WSCD1: variants seen among roughly 807,000 people sequenced by gnomAD.
The protein encoded by WSCD1 is WSC domain sialate O sulfotransferase 1.
WSCD1 carries 41 observed loss-of-function variants against 60.4 expected under a neutral mutation model. That is an observed-to-expected ratio of 0.68 (90% CI 0.53 to 0.88). The LOEUF (loss-of-function observed/expected upper bound fraction) is 0.88. WSCD1 is among the 40% of genes least tolerant of loss of function. The pLI is 0.00. For synonymous variants in WSCD1, 361 were observed against 332.5 expected, an observed-to-expected ratio of 1.09 and a Z score of -0.93; for missense variants, 784 against 796.2, an observed-to-expected ratio of 0.98 and a Z score of 0.18.
intron 7 of WSCD1, among the ~76,000 whole-genome samples, chr17:6,117,333 C>G (rs1169910305): frequency 6.6e-6 from 1 of 152,196 alleles, no homozygotes; most frequent in Non-Finnish European, 1.5e-5. Flanking sequence ...TGGATGAGGC[C>G]TTGACCAGAC....
rs546894775 is a variant in WSCD1 at position 6,080,815 on chromosome 17, C to A, written c.157C>A (p.Gln53Lys). Residue 53 changes from glutamine (Q) to lysine (K), a missense_variant, in exon 2 of 9, where the codon CAG becomes AAG. Gln to Lys is a moderately conservative substitution (Grantham distance 53). Coordinates refer to ENST00000317744, the MANE Select transcript of WSCD1 (RefSeq NM_015253.2). This position sits in a 1 kb window ranked among gnomAD's most constrained non-coding sequence, Gnocchi z 6.6. Reference sequence around the variant, plus strand: ...GGGCCCCCGGGCACCCGGCCCCCTGCAGACCTTGCCAGTGGCCGCCGTGGC... The same window carrying A: ...GGGCCCCCGGGCACCCGGCCCCCTGAAGACCTTGCCAGTGGCCGCCGTGGC... Reference protein sequence around the residue: ...PQGPRAPGPLQTLPVAAVALG... With the variant: ...PQGPRAPGPLKTLPVAAVALG... 4.7e-5 allele frequency: 76 copies of A among 1,609,108 alleles called. No individual in the cohort carries two copies. The highest frequency in any genetic ancestry group is 6.3e-5 in the Non-Finnish European group (74 of 1,178,600).
In WSCD1 at chr17:6,103,725, T is replaced by A. The variant is rs151079936; in HGVS notation, c.850-5882T>A. The stretch of plus-strand genomic sequence containing the variant: ...AGGGGACTGGTGAGTGTACTCTTTT[T>A]GTGGAGAAAAGTGAATGCTGTGGGG... On this transcript the variant is annotated intron_variant, in intron 5 of 8. Transcript: ENST00000317744. Among the ~76,000 whole-genome samples the A allele has an allele frequency of 2.2e-4, 34 of 152,312 alleles. No individual in the cohort carries two copies. The East Asian group carries it at 6.0e-3, about 27-fold the overall frequency.
intron 1 of WSCD1, among the ~76,000 whole-genome samples, chr17:6,073,750 G>A (rs1312335793): frequency 6.6e-6 from 1 of 152,246 alleles, no homozygotes; most frequent in Non-Finnish European, 1.5e-5. Context: ...TGCCGGCCCC[G>A]GCGCTGGTGC....
At chr17:6,079,773 G>T (rs1909106702) in intron 1 of WSCD1, among the ~76,000 whole-genome samples, 1 of 152,202 alleles carries the variant, frequency 6.6e-6, no homozygotes, top group Admixed American at 6.5e-5. Flanking sequence ...ACATAGTCCT[G>T]CCTGGGCTAG....
intron 5 of WSCD1, among the ~76,000 whole-genome samples, chr17:6,099,459 G>A (rs1910656767): frequency 6.7e-6 from 1 of 150,208 alleles, no homozygotes; most frequent in African/African-American, 2.5e-5. Context: ...AGGTTGCAGT[G>A]AGCCGAGATC....
At chr17:6,073,029 G>A (rs931402393) in intron 1 of WSCD1, among the ~76,000 whole-genome samples, 3 of 152,174 alleles carry the variant, frequency 2.0e-5, no homozygotes, top group African/African-American at 7.2e-5. Context: ...CCCTGGAGAT[G>A]TGAGCTCCCT....
Position 6,123,345 on chromosome 17 carries a change from A to AATAT in WSCD1, c.*2685_*2688dup, listed in dbSNP as rs1315862078. On this transcript the variant is annotated 3_prime_UTR_variant, in exon 9 of 9. Coordinates refer to ENST00000317744, the MANE Select transcript of WSCD1 (RefSeq NM_015253.2). ...TTGTGGATCAATTTGGAAAAACCAA[A>AATAT]ATATGTAATTTTAAAAAACTAAAAC... 6.6e-6 allele frequency: 1 copy of AATAT among 152,222 alleles called. No individual in the cohort carries two copies. The highest frequency in any genetic ancestry group is 1.9e-4 in the East Asian group (1 of 5,196). 9.4% of individuals were successfully genotyped at this position (152,222 alleles called of 1,614,324 possible). A position where few individuals can be genotyped will look rare whatever the true frequency, so the allele number is the denominator to read the frequency against.
At chr17:6,120,280 A>G (rs747586072) in intron 8 of WSCD1, 29 bp from the exon 9 acceptor site, 3 of 1,597,084 alleles carry the variant, frequency 1.9e-6, no homozygotes, top group Admixed American at 1.7e-5. Context: ...CCAGCCCCCG[A>G]CTCTGCATCT....
intron 1 of WSCD1, among the ~76,000 whole-genome samples, chr17:6,074,986 C>A (rs757155140): frequency 1.3e-5 from 2 of 152,256 alleles, no homozygotes; most frequent in East Asian, 3.9e-4. Context: ...AATCCAGGAG[C>A]TGTGAGCCCA....
At position 6,088,077 on chromosome 17, in the gene WSCD1, C is replaced by T. The variant is rs530629079; in HGVS notation, c.515C>T (p.Ser172Phe). ...TATGACTTGAGAAAGATGACTGTCT[C>T]CCACTGCCAGGATGCGTGTGCTGAG... ...VFYDLRKMTV[S>F]HCQDACAERS... The change falls in exon 3 of 9, where the codon TCC (serine) becomes TTC (phenylalanine). Residue 172 changes from serine (S) to phenylalanine (F), a missense_variant. Ser to Phe is a radical substitution (Grantham distance 155). Coordinates refer to ENST00000317744, the MANE Select transcript of WSCD1 (RefSeq NM_015253.2). The T allele has an allele frequency of 1.9e-6, 3 of 1,614,174 alleles. No individual in the cohort carries two copies. Among genetic ancestry groups the T allele is most frequent in the African/African-American group, 2.7e-5 (2 of 75,062 alleles).
In WSCD1 at chr17:6,088,003, A is replaced by T. The variant is rs1458062459; in HGVS notation, c.441A>T (p.Gly147=). The change falls in exon 3 of 9, where the codon GGA becomes GGT. Residue 147 remains glycine, a synonymous_variant. Transcript: ENST00000317744. ...CCCTTTCTGCAGGCACCTACATTGG[A>T]TGCTTCAGTGACGATGGCCACGAGA... ...PAIHSRGTYI[G]CFSDDGHERT... 6.2e-7 allele frequency: 1 copy of T among 1,613,902 alleles called. No individual in the cohort carries two copies. The highest frequency in any genetic ancestry group is 8.5e-7 in the Non-Finnish European group (1 of 1,179,824).
In WSCD1 at chr17:6,120,719, G is replaced by A. The variant is rs549502401; in HGVS notation, c.*58G>A. On this transcript the variant is annotated 3_prime_UTR_variant, in exon 9 of 9. Coordinates refer to ENST00000317744, the MANE Select transcript of WSCD1 (RefSeq NM_015253.2). ...TGACGCAATCGCACCACGGGGCTGC[G>A]CTCCCCACTCTGATGCTCAGGCCCG... 140 of 1,531,886 alleles carry A rather than the reference G, an allele frequency of 9.1e-5. No individual in the cohort carries two copies. In the East Asian group the frequency reaches 1.1e-3, roughly 12 times the overall value. The allele number at this position is 1,531,886 out of a possible 1,614,324, so 94.9% of individuals were successfully genotyped here. A position where few individuals can be genotyped will look rare whatever the true frequency, so the allele number is the denominator to read the frequency against.
intron 1 of WSCD1, among the ~76,000 whole-genome samples, chr17:6,079,263 C>CG (rs58937708): frequency 0.11 from 16,655 of 152,246 alleles, 1,207 homozygotes; most frequent in South Asian, 0.17. Flanking sequence ...ACAGGCCTGG[C>CG]GGGGGGCCCG....
rs1459271386 is a variant in WSCD1, at chr17:6,101,144, G to A, written c.849+5921G>A. The stretch of plus-strand genomic sequence containing the variant: ...AAGCACGTCCTCTCTGGAAAGGCCA[G>A]TGGTGTGGAGGCTGCCTGGCAGTCC... On this transcript the variant is annotated intron_variant, in intron 5 of 8. Coordinates refer to ENST00000317744, the MANE Select transcript of WSCD1 (RefSeq NM_015253.2). The surrounding 1 kb of genome is among the most constrained non-coding windows in gnomAD (Gnocchi z 4.1). Among the ~76,000 whole-genome samples, 2 of 152,182 alleles carry A rather than the reference G, an allele frequency of 1.3e-5. No homozygotes were observed. Among genetic ancestry groups the A allele is most frequent in the Non-Finnish European group, 2.9e-5 (2 of 68,030 alleles).
At chr17:6,071,686 A>G (rs1050579488) in intron 1 of WSCD1, among the ~76,000 whole-genome samples, 4 of 152,238 alleles carry the variant, frequency 2.6e-5, no homozygotes, top group Non-Finnish European at 5.9e-5. Context: ...TCAGGCACAG[A>G]AAGTGAGGGT....
At position 6,123,429 on chromosome 17, in the gene WSCD1, C is replaced by A. The variant is rs951613491; in HGVS notation, c.*2768C>A. On this transcript the variant is annotated 3_prime_UTR_variant, in exon 9 of 9. Coordinates refer to ENST00000317744, the MANE Select transcript of WSCD1 (RefSeq NM_015253.2). The stretch of plus-strand genomic sequence containing the variant: ...AGAGAAGAATAGACAGGCTTCCAAA[C>A]CCTGGGAAGAAAGCTGCTTAATTAT... The A allele has an allele frequency of 6.6e-6, 1 of 152,168 alleles. No individual in the cohort carries two copies. Among genetic ancestry groups the A allele is most frequent in the Non-Finnish European group, 1.5e-5 (1 of 68,040 alleles). The allele number at this position is 152,168 out of a possible 1,614,324, so 9.4% of individuals were successfully genotyped here.
At chr17:6,120,242 C>T (rs1380370013) in intron 8 of WSCD1, 67 bp from the exon 9 acceptor site, 3 of 1,540,984 alleles carry the variant, frequency 1.9e-6, no homozygotes, top group Non-Finnish European at 8.8e-7. Context: ...CCCGAGCAGC[C>T]CCCCGGGGAC....
chr17:6,081,225 G>A, intron 2 of WSCD1, 140 bp downstream of exon 2: 1 of 1,103,252 alleles, frequency 9.1e-7, no homozygotes, highest in Non-Finnish European at 1.2e-6. Context: ...AGGACAGGAA[G>A]GGGCCTGCGA....
intron 2 of WSCD1, among the ~76,000 whole-genome samples, chr17:6,086,573 C>T (rs974282351): frequency 6.6e-6 from 1 of 151,972 alleles, no homozygotes; most frequent in Non-Finnish European, 1.5e-5. Context: ...AGGCTGGTCT[C>T]GAACTCCTGA....
Sources: gnomAD v4.1 joint callset for allele counts (sites outside exome capture counted in the v4.1 genomes callset) on GRCh38, gnomAD v4.1.1 for gene constraint, Gnocchi (gnomAD v3.1) non-coding constraint, MANE v1.5 for transcripts, NCBI Gene and HGNC (gene_info 2026-07-23, HGNC 2026-07-21) for gene names.